The following CRY2 variants were observed in gnomAD, a reference collection of about 807,000 sequenced individuals.
CRY2 encodes cryptochrome circadian regulator 2.
CRY2 carries 31 observed loss-of-function variants against 69.5 expected under a neutral mutation model. The observed-to-expected ratio is 0.45, with a 90% CI of 0.34 to 0.60. The LOEUF (loss-of-function observed/expected upper bound fraction) is 0.60, where lower values mean the gene tolerates loss of function less well. Among genes scored for constraint, CRY2 ranks in the 20% least tolerant of loss-of-function variants. The pLI is 0.02. For synonymous variants in CRY2, 303 were observed against 312.2 expected (o/e 0.97, Z 0.31); for missense variants, 606 against 797.8 (o/e 0.76, Z 2.90).
At chr11:45,847,847 T>G (rs2086163976) in intron 1 of CRY2, 142 bp downstream of exon 1, 1 of 1,208,972 alleles carries the variant, frequency 8.3e-7, no homozygotes. Context: ...TAATTCGTCA[T>G]GGTCCTAACG....
At chr11:45,876,708 G>C (rs890648544) in intron 11 of CRY2, among the ~76,000 whole-genome samples, 10 of 152,174 alleles carry the variant, frequency 6.6e-5, no homozygotes, top group African/African-American at 2.4e-4. Flanking sequence ...AGCCTGACTG[G>C]GTAGATCATC....
At chr11:45,865,711 A>G (rs1590767572) in intron 5 of CRY2, among the ~76,000 whole-genome samples, 1 of 151,758 alleles carries the variant, frequency 6.6e-6, no homozygotes, top group East Asian at 1.9e-4. Flanking sequence ...GTGAGCCGAG[A>G]TCACACCACT....
intron 11 of CRY2, among the ~76,000 whole-genome samples, chr11:45,876,938 A>T (rs999249081): frequency 2.6e-5 from 4 of 152,236 alleles, no homozygotes; most frequent in Admixed American, 2.6e-4. Flanking sequence ...TCTGTGTCCC[A>T]GACCTGCCAC....
intron 11 of CRY2, among the ~76,000 whole-genome samples, chr11:45,879,813 G>C (rs538550550): frequency 6.6e-6 from 1 of 152,310 alleles, no homozygotes; most frequent in African/African-American, 2.4e-5. Context: ...CTGGAGGCTG[G>C]AAGTCTAAGA....
rs2086374181 is a variant in CRY2, at chr11:45,870,838, C to T, written c.1550-4C>T. 3.1e-6 allele frequency: 5 copies of T among 1,612,686 alleles called. No individual in the cohort carries two copies. In the East Asian group the frequency reaches 1.1e-4, roughly 36 times the overall value. ...ACTCTGATTACTCCTCGCCTCTCTC[C>T]CAGGTCTACTGGCATCTGTCCCTTC... On this transcript the variant is annotated splice_region_variant and splice_polypyrimidine_tract_variant and intron_variant, in intron 9 of 11. Transcript: ENST00000616080.
intron 11 of CRY2, among the ~76,000 whole-genome samples, chr11:45,880,196 T>C (rs901287567): frequency 6.6e-6 from 1 of 152,170 alleles, no homozygotes; most frequent in Non-Finnish European, 1.5e-5. Context: ...TGCACAAACT[T>C]TTAATGGGAC....
intron 2 of CRY2, among the ~76,000 whole-genome samples, chr11:45,856,671 C>T (rs1352297662): frequency 6.6e-6 from 1 of 152,108 alleles, no homozygotes; most frequent in Non-Finnish European, 1.5e-5. Flanking sequence ...TGGCTGGCAC[C>T]TGTAGTCCCA....
chr11:45,881,300 C>T lies in CRY2; in HGVS notation c.*389C>T, dbSNP rs1292988252. The T allele has an allele frequency of 6.5e-6, 1 of 152,788 alleles. No individual in the cohort carries two copies. The highest frequency in any genetic ancestry group is 1.5e-5 in the Non-Finnish European group (1 of 68,110). 9.5% of individuals were successfully genotyped at this position (152,788 alleles called of 1,614,324 possible). Reference sequence around the variant, plus strand: ...CTGCCTCCCTAGACCTCCTTCCCTCCCTCCTCACGTCAGGCTGTGGAGCAG... The same window carrying T: ...CTGCCTCCCTAGACCTCCTTCCCTCTCTCCTCACGTCAGGCTGTGGAGCAG... On this transcript the variant is annotated 3_prime_UTR_variant, in exon 12 of 12. Coordinates refer to ENST00000616080, the MANE Select transcript of CRY2 (RefSeq NM_021117.5).
In CRY2 at chr11:45,871,344, G is replaced by A. The variant is rs553170475; in HGVS notation, c.1642+410G>A. On this transcript the variant is annotated intron_variant, in intron 10 of 11. Coordinates refer to ENST00000616080, the MANE Select transcript of CRY2 (RefSeq NM_021117.5). ...GGAACCGAAGGGAGGTCAGTGTAGC[G>A]GCATGTCCCAGTGAGGAGCTGGAAT... Among the ~76,000 whole-genome samples, 30 of 152,286 alleles carry A rather than the reference G, an allele frequency of 2.0e-4. No homozygotes were observed. The South Asian group carries it at 4.8e-3, about 24-fold the overall frequency.
intron 11 of CRY2, among the ~76,000 whole-genome samples, chr11:45,873,497 T>G (rs2086402603): frequency 6.6e-6 from 1 of 152,258 alleles, no homozygotes; most frequent in East Asian, 1.9e-4. Context: ...AAGTTCATCC[T>G]GTATTACAAA....
chr11:45,852,871 A>AT (rs2086208156), intron 1 of CRY2, among the ~76,000 whole-genome samples: 1 of 152,200 alleles, frequency 6.6e-6, no homozygotes, highest in Non-Finnish European at 1.5e-5. Flanking sequence ...AGAGCCTGAG[A>AT]TTCTGCATTT....
At chr11:45,855,237 T>A (rs1167232376) in intron 1 of CRY2, among the ~76,000 whole-genome samples, 1 of 143,176 alleles carries the variant, frequency 7.0e-6, no homozygotes, top group East Asian at 2.2e-4. Context: ...GATGAGAACC[T>A]GATCACCAGA....
At chr11:45,879,117 T>C (rs969863053) in intron 11 of CRY2, among the ~76,000 whole-genome samples, 2 of 146,048 alleles carry the variant, frequency 1.4e-5, no homozygotes, top group African/African-American at 5.1e-5. Context: ...TAATCCCAGC[T>C]ACTCAGGAGG....
chr11:45,859,153 C>T (rs2086266071), intron 3 of CRY2, among the ~76,000 whole-genome samples: 2 of 152,086 alleles, frequency 1.3e-5, no homozygotes, highest in South Asian at 2.1e-4. Context: ...CTAGTATGCC[C>T]GAGTCCCACC....
intron 11 of CRY2, among the ~76,000 whole-genome samples, chr11:45,875,386 A>G (rs1590773342): frequency 6.6e-6 from 1 of 152,240 alleles, no homozygotes; most frequent in Non-Finnish European, 1.5e-5. Context: ...ATTTTGGAAC[A>G]GGAATGATCA....
chr11:45,872,224 A>G lies in CRY2; in HGVS notation c.1775A>G (p.Asp592Gly). 1 of 1,614,040 alleles carries G rather than the reference A, an allele frequency of 6.2e-7. No individual in the cohort carries two copies. The highest frequency in any genetic ancestry group is 8.5e-7 in the Non-Finnish European group (1 of 1,179,962). ...ELPTPELPSKDA is the reference protein window; with the variant it reads ...ELPTPELPSKGA ...CCAACCCCAGAGCTGCCGAGCAAGG[A>G]TGCCTGAGAGTGAGTGACAGCAGCC... Residue 592 changes from aspartate (D) to glycine (G), a missense_variant, in exon 11 of 12, where the codon GAT becomes GGT. By Grantham distance (94) the Asp-to-Gly change is moderately conservative (BLOSUM62 -1). Coordinates refer to ENST00000616080, the MANE Select transcript of CRY2 (RefSeq NM_021117.5).
intron 3 of CRY2, among the ~76,000 whole-genome samples, chr11:45,860,336 A>C (rs1487424313): frequency 6.8e-6 from 1 of 147,948 alleles, no homozygotes; most frequent in Non-Finnish European, 1.5e-5. Context: ...TAAGAAGGGG[A>C]TGATTTTCCA....
Position 45,847,673 on chromosome 11 carries a change from G to A in CRY2, c.183G>A (p.Ala61=), listed in dbSNP as rs1327842288. Residue 61 remains alanine, a synonymous_variant, in exon 1 of 12, where the codon GCG becomes GCA. Coordinates refer to ENST00000616080, the MANE Select transcript of CRY2 (RefSeq NM_021117.5). ...RCVYILDPWF[A]ASSSVGINRW... is the part of the protein sequence containing the mutation. ...TTTACATTCTCGACCCGTGGTTCGC[G>A]GCCTCCTCCTCAGTCGGGATCAACC... is the stretch of plus-strand genomic sequence containing the variant. The A allele has an allele frequency of 1.9e-6, 3 of 1,587,830 alleles. No individual in the cohort carries two copies. Among genetic ancestry groups the A allele is most frequent in the Non-Finnish European group, 2.6e-6 (3 of 1,167,868 alleles).
intron 2 of CRY2, among the ~76,000 whole-genome samples, chr11:45,857,220 C>T (rs1311473070): frequency 6.6e-6 from 1 of 152,170 alleles, no homozygotes; most frequent in Non-Finnish European, 1.5e-5. Flanking sequence ...ATGAGTCAAG[C>T]GCTGTTCCCA....
Sources: gnomAD v4.1 joint callset for allele counts (sites outside exome capture counted in the v4.1 genomes callset) on GRCh38, gnomAD v4.1.1 for gene constraint, MANE v1.5 for transcripts, NCBI Gene and HGNC (gene_info 2026-07-23, HGNC 2026-07-21) for gene names.